The following EGFR variants were observed in gnomAD, a reference collection of about 807,000 sequenced individuals.
EGFR encodes avian erythroblastic leukemia viral (v-erb-b) oncogene homolog.
A neutral mutation model predicts 143.0 loss-of-function variants in EGFR; 58 were observed. The ratio of observed to expected loss-of-function variants is 0.41; its 90% confidence interval spans 0.33 to 0.50. The LOEUF (loss-of-function observed/expected upper bound fraction) is 0.50. EGFR is among the 20% of genes least tolerant of loss of function. EGFR has a pLI of 0.39. For missense variants in EGFR, 1,307 were observed against 1,579.0 expected (o/e 0.83, Z 2.92); for synonymous variants, 613 against 594.4 (o/e 1.03, Z -0.45).
In EGFR at chr7:55,186,595, G is replaced by A. The variant is rs188448828; in HGVS notation, c.2469+5117G>A. Among the ~76,000 whole-genome samples, 96 of 152,274 alleles carry A rather than the reference G, an allele frequency of 6.3e-4. No individual in the cohort carries two copies. The Middle Eastern group carries it at 0.01, about 16-fold the overall frequency. ...GTTCTTGCGTATTCCACAAAGGGTC[G>A]CAGCTAAACTTAACCTAATGATCAC... On this transcript the variant is annotated intron_variant, in intron 20 of 27. Coordinates refer to ENST00000275493, the MANE Select transcript of EGFR (RefSeq NM_005228.5).
intron 1 of EGFR, among the ~76,000 whole-genome samples, chr7:55,048,321 T>C (rs1221214512): frequency 3.3e-5 from 5 of 152,204 alleles, no homozygotes; most frequent in Non-Finnish European, 7.3e-5. Context: ...CTGCTCAGAA[T>C]GTAGGCCTTA....
chr7:55,189,828 G>A (rs945727254), intron 20 of EGFR, among the ~76,000 whole-genome samples: 1 of 152,210 alleles, frequency 6.6e-6, no homozygotes, highest in Admixed American at 6.5e-5. Flanking sequence ...GGACAGAGAA[G>A]AGAGAAGAGG....
chr7:55,141,665 G>T (rs1475771082), intron 1 of EGFR, among the ~76,000 whole-genome samples: 2 of 152,146 alleles, frequency 1.3e-5, no homozygotes, highest in African/African-American at 4.8e-5. Flanking sequence ...TTAATCTCCA[G>T]CCAGTTAGGT....
At chr7:55,064,631 T>G (rs1789393978) in intron 1 of EGFR, among the ~76,000 whole-genome samples, 1 of 152,212 alleles carries the variant, frequency 6.6e-6, no homozygotes, top group Non-Finnish European at 1.5e-5. Context: ...GGTTTAAACC[T>G]AATTAGAAAC....
intron 1 of EGFR, among the ~76,000 whole-genome samples, chr7:55,111,684 G>A (rs955247813): frequency 2.0e-5 from 3 of 152,182 alleles, no homozygotes; most frequent in African/African-American, 7.2e-5. Flanking sequence ...TGGTGCACAG[G>A]CGAGCACCCA....
At chr7:55,166,991 A>G (rs112161086) in intron 15 of EGFR, among the ~76,000 whole-genome samples, 19 of 85,816 alleles carry the variant, frequency 2.2e-4, no homozygotes, top group South Asian at 5.5e-4. Context: ...GGTGATGATG[A>G]TGAGGAGGTG....
At chr7:55,057,443 C>G (rs1231375149) in intron 1 of EGFR, among the ~76,000 whole-genome samples, 1 of 152,146 alleles carries the variant, frequency 6.6e-6, no homozygotes, top group Non-Finnish European at 1.5e-5. Context: ...GGGTCTGCAG[C>G]TTGGATTTCT....
At chr7:55,146,250 C>T (rs17336416) in intron 3 of EGFR, among the ~76,000 whole-genome samples, 124 of 152,146 alleles carry the variant, frequency 8.2e-4, no homozygotes, top group African/African-American at 2.7e-3. Context: ...TGCCTACCCC[C>T]TACATCATGC....
At chr7:55,103,979 A>G (rs1791974104) in intron 1 of EGFR, among the ~76,000 whole-genome samples, 1 of 152,212 alleles carries the variant, frequency 6.6e-6, no homozygotes, top group Non-Finnish European at 1.5e-5. Flanking sequence ...TTTCCATGCC[A>G]GAAGGGTAGA....
chr7:55,046,503 G>C (rs1020831129), intron 1 of EGFR, among the ~76,000 whole-genome samples: 8 of 152,006 alleles, frequency 5.3e-5, no homozygotes, highest in Non-Finnish European at 1.0e-4. Context: ...CATTATAAAG[G>C]GCAGCATTTG....
intron 27 of EGFR, among the ~76,000 whole-genome samples, chr7:55,204,754 C>G (rs962911753): frequency 1.4e-5 from 2 of 146,702 alleles, no homozygotes; most frequent in Non-Finnish European, 3.0e-5. Context: ...ACCACACATA[C>G]ATACACAATA....
intron 20 of EGFR, among the ~76,000 whole-genome samples, chr7:55,182,681 G>C (rs1166075994): frequency 1.6e-4 from 24 of 152,098 alleles, no homozygotes; most frequent in African/African-American, 2.4e-5. Context: ...TTTTACTCCA[G>C]CATCATCGGG....
intron 1 of EGFR, among the ~76,000 whole-genome samples, chr7:55,047,927 T>A (rs553239205): frequency 1.5e-4 from 23 of 152,226 alleles, no homozygotes; most frequent in Non-Finnish European, 2.9e-4. Flanking sequence ...TACTATAACC[T>A]CTATATCTAG....
intron 16 of EGFR, 124 bp downstream of exon 16, chr7:55,171,337 C>T: frequency 7.3e-7 from 1 of 1,367,604 alleles, no homozygotes; most frequent in Non-Finnish European, 1.0e-6. Context: ...GGCTCTGGGC[C>T]AGCCTACCCT....
chr7:55,151,650 C>T (rs1392420551), intron 5 of EGFR, among the ~76,000 whole-genome samples: 3 of 152,018 alleles, frequency 2.0e-5, no homozygotes, highest in Non-Finnish European at 4.4e-5. Context: ...CGGAGGCGGT[C>T]GGATCACGAG....
At chr7:55,116,129 CTAG>C (rs1792826787) in intron 1 of EGFR, among the ~76,000 whole-genome samples, 1 of 152,150 alleles carries the variant, frequency 6.6e-6, no homozygotes, top group East Asian at 1.9e-4. Flanking sequence ...AAAGATTCTC[CTAG>C]GAAAAGAAAG....
At chr7:55,076,269 G>A (rs1057013192) in intron 1 of EGFR, among the ~76,000 whole-genome samples, 2 of 152,108 alleles carry the variant, frequency 1.3e-5, no homozygotes, top group East Asian at 1.9e-4. Flanking sequence ...AAATGGTAAC[G>A]CATGTCAAAT....
chr7:55,181,589 C>A (rs765344471), intron 20 of EGFR, 111 bp downstream of exon 20: 2 of 1,241,318 alleles, frequency 1.6e-6, no homozygotes, highest in Non-Finnish European at 2.3e-6. Flanking sequence ...TGTGTGCGTG[C>A]ATGCAGCACA....
chr7:55,179,304 G>A (rs950987092), intron 19 of EGFR, among the ~76,000 whole-genome samples: 1 of 152,262 alleles, frequency 6.6e-6, no homozygotes, highest in African/African-American at 2.4e-5. Flanking sequence ...CCTGTCTCCT[G>A]CATTTCACCC....
Sources: allele counts gnomAD v4.1 joint callset (sites outside exome capture counted in the v4.1 genomes callset), GRCh38; gene constraint gnomAD v4.1.1; transcripts MANE v1.5; gene names NCBI Gene and HGNC (gene_info 2026-07-23, HGNC 2026-07-21).